CHST3: variants seen among roughly 807,000 people sequenced by gnomAD.
CHST3 encodes C6ST-1.
CHST3 carries 20 observed loss-of-function variants against 35.4 expected under a neutral mutation model. The observed-to-expected ratio is 0.57, with a 90% CI of 0.40 to 0.82. CHST3 has a LOEUF of 0.82. Among genes scored for constraint, CHST3 ranks in the 40% least tolerant of loss-of-function variants. The probability of loss-of-function intolerance (pLI) is 0.00; values close to 1 mark genes in which losing one functional copy is unlikely to be tolerated. For synonymous variants in CHST3, 334 were observed against 295.9 expected (o/e 1.13, Z -1.32); for missense variants, 693 against 670.1 (o/e 1.03, Z -0.38).
chr10:71,994,385 A>G (rs1322098421), intron 1 of CHST3, among the ~76,000 whole-genome samples: 1 of 152,124 alleles, frequency 6.6e-6, no homozygotes, highest in African/African-American at 2.4e-5. Flanking sequence ...CTCTCCTCTT[A>G]CCTGTCCATC....
At chr10:71,987,139 A>G (rs910119950) in intron 1 of CHST3, among the ~76,000 whole-genome samples, 2 of 152,256 alleles carry the variant, frequency 1.3e-5, no homozygotes, top group African/African-American at 4.8e-5. Flanking sequence ...CAGTCAGAGG[A>G]TAGCAGCAGA....
chr10:71,989,279 C>CA (rs1456195442), intron 1 of CHST3, among the ~76,000 whole-genome samples: 1 of 152,086 alleles, frequency 6.6e-6, no homozygotes, highest in African/African-American at 2.4e-5. Flanking sequence ...CCTGACTCTC[C>CA]AAAAAGCTTT....
At chr10:71,977,585 G>A (rs1259876579) in intron 1 of CHST3, among the ~76,000 whole-genome samples, 1 of 151,954 alleles carries the variant, frequency 6.6e-6, no homozygotes, top group Admixed American at 6.6e-5. Flanking sequence ...AAGTAGGTGG[G>A]ACTACAGGTG....
chr10:71,994,624 A>G (rs936832526), intron 1 of CHST3, among the ~76,000 whole-genome samples: 3 of 152,212 alleles, frequency 2.0e-5, no homozygotes, highest in Non-Finnish European at 2.9e-5. Context: ...GTCACCAGCT[A>G]CCTTAGCCCC....
At chr10:71,981,922 C>T (rs574475917) in intron 1 of CHST3, among the ~76,000 whole-genome samples, 1 of 152,242 alleles carries the variant, frequency 6.6e-6, no homozygotes, top group Non-Finnish European at 1.5e-5. Flanking sequence ...TTTTTAAAAG[C>T]TCTCAGAGTG....
intron 1 of CHST3, among the ~76,000 whole-genome samples, chr10:71,991,366 G>A (rs374010572): frequency 6.6e-6 from 1 of 152,186 alleles, no homozygotes; most frequent in African/African-American, 2.4e-5. Context: ...TGCCCTGCAC[G>A]TCTGTGCTTT....
chr10:71,974,702 T>C lies in CHST3; in HGVS notation c.-108+10008T>C, dbSNP rs568443021. On this transcript the variant is annotated intron_variant, in intron 1 of 2. Transcript: ENST00000373115. ...TGAGTCTCACTGTCTGCCGCCCACC[T>C]GCTGTCTGCCCTCTATGGTTCTCCT... Among the ~76,000 whole-genome samples the C allele has an allele frequency of 2.2e-4, 33 of 152,276 alleles. No individual in the cohort carries two copies. In the East Asian group the frequency reaches 6.4e-3, roughly 29 times the overall value.
intron 1 of CHST3, among the ~76,000 whole-genome samples, chr10:71,982,620 G>T (rs1207389425): frequency 2.0e-5 from 3 of 152,250 alleles, no homozygotes; most frequent in African/African-American, 7.2e-5. Context: ...GAGTGTGGTT[G>T]CACGCATCTG....
intron 2 of CHST3, 48 bp from the exon 3 acceptor site, chr10:72,007,124 A>C (rs1189807300): frequency 6.2e-7 from 1 of 1,602,052 alleles, no homozygotes; most frequent in East Asian, 2.2e-5. Context: ...TGCCCAGGAG[A>C]CGGGGTCCCC....
Position 72,007,807 on chromosome 10 carries a change from TG to T in CHST3, c.778del (p.Ala260ProfsTer74). 1 of 1,601,480 alleles carries T rather than the reference TG, an allele frequency of 6.2e-7. No individual in the cohort carries two copies. The highest frequency in any genetic ancestry group is 8.5e-7 in the Non-Finnish European group (1 of 1,179,328). On this transcript the variant is annotated frameshift_variant, in exon 3 of 3. Transcript: ENST00000373115. LOFTEE classifies it high-confidence loss of function. ...CGCTGCGGCCCCCTCAACGTGACGC[TG>T]GCCGCAGAGGCCTGCCGCCGCAAGG... ...NRRCGPLNVTLAAEACRRKEH... is the reference protein window; with the variant it reads ...NRRCGPLNVTXAAEACRRKEH...
intron 1 of CHST3, among the ~76,000 whole-genome samples, chr10:72,001,161 A>G (rs1760821771): frequency 6.6e-6 from 1 of 152,212 alleles, no homozygotes; most frequent in Non-Finnish European, 1.5e-5. Context: ...GGCTCTGCCC[A>G]GGGCCTGGCA....
rs764565664 is a variant in CHST3, at chr10:72,007,658, G to A, written c.627G>A (p.Pro209=). 5.0e-6 allele frequency: 8 copies of A among 1,609,118 alleles called. No individual in the cohort carries two copies. Among genetic ancestry groups the A allele is most frequent in the South Asian group, 1.1e-5 (1 of 90,842 alleles). ...DLYVLEHFIT[P]LPEDHLTQFM... ...ACGTGCTGGAGCACTTCATCACGCCGCTGCCCGAGGACCACCTGACTCAGT... is the reference window on the plus strand; with the variant it reads ...ACGTGCTGGAGCACTTCATCACGCCACTGCCCGAGGACCACCTGACTCAGT... The change falls in exon 3 of 3, where the codon CCG becomes CCA. Residue 209 remains proline, a synonymous_variant. Coordinates refer to ENST00000373115, the MANE Select transcript of CHST3 (RefSeq NM_004273.5).
In CHST3 at chr10:72,007,233, G is replaced by A. The variant is rs142556853; in HGVS notation, c.202G>A (p.Ala68Thr). 1.1e-5 allele frequency: 17 copies of A among 1,614,222 alleles called. No individual in the cohort carries two copies. Among genetic ancestry groups the A allele is most frequent in the Non-Finnish European group, 1.4e-5 (17 of 1,180,050 alleles). ...ALADANSTDP[A>T]LILAENASLL... ...AGCAGATGCCAACAGCACCGACCCA[G>A]CCCTGATCTTAGCTGAGAACGCATC... The change falls in exon 3 of 3, where the codon GCC (alanine) becomes ACC (threonine). Residue 68 changes from alanine (A) to threonine (T), a missense_variant. Ala to Thr is a moderately conservative substitution (Grantham distance 58, BLOSUM62 0). Transcript: ENST00000373115.
At chr10:71,978,946 C>T (rs1369113448) in intron 1 of CHST3, among the ~76,000 whole-genome samples, 8 of 152,194 alleles carry the variant, frequency 5.3e-5, no homozygotes, top group Middle Eastern at 3.2e-3. Flanking sequence ...AGTCCAGTGC[C>T]AAGGGGGAAG....
Position 71,965,386 on chromosome 10 carries a change from G to T in CHST3, c.-108+692G>T, listed in dbSNP as rs187483315. Among the ~76,000 whole-genome samples the T allele has an allele frequency of 3.8e-3, 585 of 152,336 alleles. 3 individuals are homozygous for T. The highest frequency in any genetic ancestry group is 0.012 in the African/African-American group (514 of 41,564). On this transcript the variant is annotated intron_variant, in intron 1 of 2. Transcript: ENST00000373115. ...TGGCAGGCCGTTGCTGCGCTAGACAGAAGGGTAGTGGCCGTGACAGTCTTC... is the reference window on the plus strand; with the variant it reads ...TGGCAGGCCGTTGCTGCGCTAGACATAAGGGTAGTGGCCGTGACAGTCTTC...
intron 1 of CHST3, among the ~76,000 whole-genome samples, chr10:71,992,386 C>T (rs1839904585): frequency 6.6e-6 from 1 of 152,110 alleles, no homozygotes; most frequent in South Asian, 2.1e-4. Context: ...CTATGTTTCC[C>T]AGGCTGGTCT....
Position 72,005,752 on chromosome 10 carries a change from AC to A in CHST3, c.-89del. The stretch of plus-strand genomic sequence containing the variant: ...TCTCCGCAGGACAAGGGTGTCCCCC[AC>A]CTGAAGACGGCAAGCTGGGTCCTGA... On this transcript the variant is annotated 5_prime_UTR_variant, in exon 2 of 3. An upstream open reading frame in the 5' UTR loses its in-frame stop. Transcript: ENST00000373115. 1.3e-6 allele frequency: 2 copies of A among 1,549,190 alleles called. No individual in the cohort carries two copies. The highest frequency in any genetic ancestry group is 8.9e-7 in the Non-Finnish European group (1 of 1,124,342).
At chr10:72,006,178 C>A (rs1185588059) in intron 2 of CHST3, among the ~76,000 whole-genome samples, 196 bp downstream of exon 2, 1 of 152,176 alleles carries the variant, frequency 6.6e-6, no homozygotes, top group East Asian at 1.9e-4. Flanking sequence ...GGGCTCTGGA[C>A]TCAAACAGCC....
chr10:71,979,729 G>A (rs1839783075), intron 1 of CHST3, among the ~76,000 whole-genome samples: 1 of 151,776 alleles, frequency 6.6e-6, no homozygotes, highest in Admixed American at 6.6e-5. Flanking sequence ...TATTATTTTT[G>A]TGATAATGCT....
Sources: gnomAD v4.1 joint callset for allele counts (sites outside exome capture counted in the v4.1 genomes callset) on GRCh38, gnomAD v4.1.1 for gene constraint, MANE v1.5 for transcripts, NCBI Gene and HGNC (gene_info 2026-07-23, HGNC 2026-07-21) for gene names.